The following GTF2H1 variants were observed in gnomAD, a reference collection of about 807,000 sequenced individuals.
GTF2H1 encodes BTF2 p62.
Under a neutral mutation model 71.2 loss-of-function variants are expected in GTF2H1, and 16 were observed. That is an observed-to-expected ratio of 0.22 (90% CI 0.15 to 0.34). The LOEUF (loss-of-function observed/expected upper bound fraction) is 0.34, where lower values mean the gene tolerates loss of function less well. GTF2H1 is among the 10% of genes least tolerant of loss of function. The pLI is 1.00. For missense variants in GTF2H1, 498 were observed against 648.2 expected (o/e 0.77, Z 2.52); for synonymous variants, 215 against 219.0 (o/e 0.98, Z 0.16).
At chr11:18,365,477 C>T (rs1865800839) in intron 14 of GTF2H1, among the ~76,000 whole-genome samples, 1 of 152,124 alleles carries the variant, frequency 6.6e-6, no homozygotes, top group African/African-American at 2.4e-5. Context: ...AGTTCAGACC[C>T]CTCGTTTGAC....
chr11:18,339,021 T>C (rs1357381500), intron 4 of GTF2H1, among the ~76,000 whole-genome samples: 1 of 152,220 alleles, frequency 6.6e-6, no homozygotes, highest in Non-Finnish European at 1.5e-5. Flanking sequence ...GTAAGATTTG[T>C]AAACTATATT....
rs1865150896 is a variant in GTF2H1, at chr11:18,341,319, A to C, written c.666A>C (p.Thr222=). ...ACATGACAGAGAAGGAATTCTGGAC[A>C]CGTTTTTTCCAGTCCCATTATTTTC... ...PHNMTEKEFW[T]RFFQSHYFHR... The change falls in exon 6 of 15, where the codon ACA becomes ACC. Residue 222 remains threonine (T), a synonymous_variant. Coordinates refer to ENST00000265963, the MANE Select transcript of GTF2H1 (RefSeq NM_005316.4). 1 of 1,613,896 alleles carries C rather than the reference A, an allele frequency of 6.2e-7. No individual in the cohort carries two copies. Among genetic ancestry groups the C allele is most frequent in the African/African-American group, 1.3e-5 (1 of 75,042 alleles).
At position 18,348,014 on chromosome 11, in the gene GTF2H1, A is replaced by G; in HGVS notation, c.1053+95A>G. On this transcript the variant is annotated intron_variant, in intron 9 of 14. Coordinates refer to ENST00000265963, the MANE Select transcript of GTF2H1 (RefSeq NM_005316.4). Reference sequence around the variant, plus strand: ...TGTATACGCTTATTTCCTGTGACTCAGTTCTTCTAACTAAGATGTTAAGCA... The same window carrying G: ...TGTATACGCTTATTTCCTGTGACTCGGTTCTTCTAACTAAGATGTTAAGCA... 3 of 815,476 alleles carry G rather than the reference A, an allele frequency of 3.7e-6. No individual in the cohort carries two copies. The Admixed American group carries it at 5.9e-5, about 16-fold the overall frequency. 50.5% of individuals were successfully genotyped at this position (815,476 alleles called of 1,614,324 possible).
At chr11:18,357,687 TTAAC>T (rs2133987362) in intron 11 of GTF2H1, among the ~76,000 whole-genome samples, 1 of 152,296 alleles carries the variant, frequency 6.6e-6, no homozygotes, top group East Asian at 1.9e-4. Context: ...AGAAAGGGCT[TTAAC>T]TAGGCAAAAC....
chr11:18,357,123 A>G (rs111752834), intron 11 of GTF2H1, among the ~76,000 whole-genome samples: 2 of 152,134 alleles, frequency 1.3e-5, no homozygotes, highest in Non-Finnish European at 2.9e-5. Context: ...CAATCTATAC[A>G]TGGATGGATT....
At chr11:18,355,713 C>T (rs1306841462) in intron 11 of GTF2H1, among the ~76,000 whole-genome samples, 1 of 151,928 alleles carries the variant, frequency 6.6e-6, no homozygotes, top group East Asian at 1.9e-4. Flanking sequence ...CAGGGTTTCA[C>T]CACGTTGCCC....
intron 1 of GTF2H1, among the ~76,000 whole-genome samples, chr11:18,323,724 T>C (rs1382245154): frequency 6.6e-6 from 1 of 152,186 alleles, no homozygotes; most frequent in Non-Finnish European, 1.5e-5. Flanking sequence ...AGCAGCATGC[T>C]CTGGTGGAAC....
chr11:18,355,611 T>C (rs948430457), intron 11 of GTF2H1, among the ~76,000 whole-genome samples: 5 of 151,996 alleles, frequency 3.3e-5, no homozygotes, highest in Admixed American at 1.3e-4. Flanking sequence ...GTTCAAGCAA[T>C]CCTCTCACCT....
At chr11:18,341,647 TTTCC>T in intron 7 of GTF2H1, 40 bp downstream of exon 7, 1 of 1,270,358 alleles carries the variant, frequency 7.9e-7, no homozygotes, top group South Asian at 1.3e-5. Context: ...AAAAGAGTCT[TTTCC>T]TAGTCTTCAA....
At chr11:18,348,197 A>T in intron 9 of GTF2H1, 1 of 425,406 alleles carries the variant, frequency 2.4e-6, no homozygotes, top group Middle Eastern at 4.9e-4. Context: ...GATTGTTCTT[A>T]TATGTGATTT....
At chr11:18,359,879 T>A (rs568047635) in intron 13 of GTF2H1, among the ~76,000 whole-genome samples, 10 of 151,514 alleles carry the variant, frequency 6.6e-5, no homozygotes, top group Non-Finnish European at 1.5e-4. Flanking sequence ...CCGGGCACTT[T>A]GGGAGGCCAA....
chr11:18,344,871 G>A (rs947743582), intron 7 of GTF2H1, among the ~76,000 whole-genome samples: 3 of 152,142 alleles, frequency 2.0e-5, no homozygotes, highest in African/African-American at 7.2e-5. Context: ...CTACCTGCTT[G>A]TTCCCTAACC....
Position 18,338,057 on chromosome 11 carries a change from A to G in GTF2H1, c.348-52A>G, listed in dbSNP as rs941193799. 25 of 1,201,670 alleles carry G rather than the reference A, an allele frequency of 2.1e-5. No homozygotes were observed. The East Asian group carries it at 2.1e-4, about 10-fold the overall frequency. 74.4% of individuals were successfully genotyped at this position (1,201,670 alleles called of 1,614,324 possible). A position where few individuals can be genotyped will look rare whatever the true frequency, so the allele number is the denominator to read the frequency against. ...CAAAATCTTTTTAAAATGTACCTAC[A>G]TGGTGTTTTATTCTAGAAGTTCAGT... On this transcript the variant is annotated intron_variant, in intron 3 of 14. Coordinates refer to ENST00000265963, the MANE Select transcript of GTF2H1 (RefSeq NM_005316.4).
At chr11:18,351,813 T>C in intron 9 of GTF2H1, 68 bp from the exon 10 acceptor site, 1 of 862,422 alleles carries the variant, frequency 1.2e-6, no homozygotes, top group Non-Finnish European at 1.9e-6. Context: ...AGTTTTGTTT[T>C]TTCAGTCATG....
intron 9 of GTF2H1, among the ~76,000 whole-genome samples, chr11:18,350,065 TTG>T (rs1215509161): frequency 6.6e-6 from 1 of 152,222 alleles, no homozygotes; most frequent in African/African-American, 2.4e-5. Flanking sequence ...AGTCAAACCA[TTG>T]TAAGTCAGGG....
intron 4 of GTF2H1, 78 bp from the exon 5 acceptor site, chr11:18,339,486 T>C: frequency 3.1e-6 from 3 of 960,258 alleles, no homozygotes; most frequent in South Asian, 1.5e-5. Flanking sequence ...TTTTTCCACC[T>C]TTGTCCAGTG....
rs1332259276 is a variant in GTF2H1 at position 18,366,117 on chromosome 11, A to G, written c.*248A>G. ...AGCTAAGTTGCAAATATATATATATACACACACACACATATATGTACATGT... is the reference window on the plus strand; with the variant it reads ...AGCTAAGTTGCAAATATATATATATGCACACACACACATATATGTACATGT... On this transcript the variant is annotated 3_prime_UTR_variant, in exon 15 of 15. Transcript: ENST00000265963. 5 of 481,962 alleles carry G rather than the reference A, an allele frequency of 1.0e-5. No homozygotes were observed. Among genetic ancestry groups the G allele is most frequent in the South Asian group, 6.0e-5 (2 of 33,250 alleles). The allele number at this position is 481,962 out of a possible 1,614,324, so 29.9% of individuals were successfully genotyped here. A position where few individuals can be genotyped will look rare whatever the true frequency, so the allele number is the denominator to read the frequency against.
intron 1 of GTF2H1, among the ~76,000 whole-genome samples, chr11:18,331,841 G>T (rs908472124): frequency 4.6e-5 from 7 of 152,108 alleles, no homozygotes; most frequent in Admixed American, 6.5e-5. Context: ...ACTAATGGCA[G>T]ATCCAGTATT....
chr11:18,333,316 A>T, intron 2 of GTF2H1, 88 bp downstream of exon 2: 1 of 950,208 alleles, frequency 1.1e-6, no homozygotes, highest in South Asian at 1.9e-5. Context: ...TTTATTTTAT[A>T]TCAAAAAATC....
Sources: gnomAD v4.1 joint callset for allele counts (sites outside exome capture counted in the v4.1 genomes callset) on GRCh38, gnomAD v4.1.1 for gene constraint, MANE v1.5 for transcripts, NCBI Gene and HGNC (gene_info 2026-07-23, HGNC 2026-07-21) for gene names.